CNTLN: variants seen among roughly 807,000 people sequenced by gnomAD.
The protein encoded by CNTLN is centlein, centrosomal protein.
In CNTLN, 212 loss-of-function variants were observed where a neutral mutation model predicts 180.0. The ratio of observed to expected loss-of-function variants is 1.18; its 90% CI spans 1.05 to 1.32. The LOEUF is 1.32. Ranked by LOEUF, CNTLN falls within the 40% of genes most tolerant of loss-of-function variation. The pLI is 0.00. For synonymous variants in CNTLN, 722 were observed against 563.1 expected (o/e 1.28, Z -3.99); for missense variants, 2,095 against 1,610.9 (o/e 1.30, Z -5.14).
chr9:17,237,611 C>T (rs1294392320), intron 5 of CNTLN, among the ~76,000 whole-genome samples: 3 of 151,854 alleles, frequency 2.0e-5, no homozygotes, highest in South Asian at 4.2e-4. Flanking sequence ...TATATGGGAA[C>T]GTGTGTAGGG....
rs554474595 is a variant in CNTLN, at chr9:17,150,190, A to G, written c.449+6814A>G. On this transcript the variant is annotated intron_variant, in intron 2 of 25. Transcript: ENST00000380647. Reference sequence around the variant, plus strand: ...TTTGTCTCTTTTGGCTTTTGTTGCCATTGCTTTTGGTGTTTTGGACATGAA... The same window carrying G: ...TTTGTCTCTTTTGGCTTTTGTTGCCGTTGCTTTTGGTGTTTTGGACATGAA... Among the ~76,000 whole-genome samples, 15 of 152,258 alleles carry G rather than the reference A, an allele frequency of 9.9e-5. No individual in the cohort carries two copies. In the South Asian group the frequency reaches 1.7e-3, roughly 17 times the overall value.
chr9:17,323,355 G>A (rs1432569445), intron 8 of CNTLN, among the ~76,000 whole-genome samples: 1 of 152,128 alleles, frequency 6.6e-6, no homozygotes, highest in Non-Finnish European at 1.5e-5. Context: ...ACAGTGATCC[G>A]ATTTGTTTTG....
intron 5 of CNTLN, among the ~76,000 whole-genome samples, chr9:17,254,994 T>TTTCA (rs756815806): frequency 1.3e-5 from 2 of 151,808 alleles, no homozygotes; most frequent in Non-Finnish European, 3.0e-5. Context: ...TGTACAAGTC[T>TTTCA]TTCACCCCCT....
rs1793742694 is a variant in CNTLN at position 17,135,097 on chromosome 9, C to T, written c.32C>T (p.Pro11Leu). Residue 11 changes from proline (P) to leucine (L), a missense_variant, in exon 1 of 26, where the codon CCT becomes CTT. Coordinates refer to ENST00000380647, the MANE Select transcript of CNTLN (RefSeq NM_017738.4). Reference protein sequence around the residue: MAARSPPSPHPSPPARQLGPR... With the variant: MAARSPPSPHLSPPARQLGPR... ...GCGCGTTCGCCTCCCTCACCGCACC[C>T]TTCGCCCCCAGCGCGACAGCTGGGC... 7 of 1,604,726 alleles carry T rather than the reference C, an allele frequency of 4.4e-6. No individual in the cohort carries two copies. The Admixed American group carries it at 8.4e-5, about 19-fold the overall frequency.
rs183127118 is a variant in CNTLN, at chr9:17,275,802, C to A, written c.983+1936C>A. On this transcript the variant is annotated intron_variant, in intron 6 of 25. Coordinates refer to ENST00000380647, the MANE Select transcript of CNTLN (RefSeq NM_017738.4). Reference sequence around the variant, plus strand: ...TTATACAATAGTAAAAGAATAATAGCTAGTGGGCCATGTGTAATTCTAAGA... The same window carrying A: ...TTATACAATAGTAAAAGAATAATAGATAGTGGGCCATGTGTAATTCTAAGA... 1.3e-3 allele frequency among the ~76,000 whole-genome samples: 200 copies of A among 152,174 alleles called. 4 individuals carry two copies. In the East Asian group the frequency reaches 0.038, roughly 29 times the overall value.
At chr9:17,355,201 A>G (rs1203473710) in intron 12 of CNTLN, among the ~76,000 whole-genome samples, 1 of 152,158 alleles carries the variant, frequency 6.6e-6, no homozygotes, top group Non-Finnish European at 1.5e-5. Context: ...TTGTGTTTTT[A>G]GTAGGGACGG....
intron 2 of CNTLN, among the ~76,000 whole-genome samples, chr9:17,163,222 C>T (rs1395551599): frequency 6.6e-6 from 1 of 152,124 alleles, no homozygotes; most frequent in African/African-American, 2.4e-5. Flanking sequence ...CCAGCTGGGT[C>T]CCTCCCACCA....
At chr9:17,148,376 G>C (rs540210752) in intron 2 of CNTLN, among the ~76,000 whole-genome samples, 8 of 152,294 alleles carry the variant, frequency 5.3e-5, no homozygotes, top group Admixed American at 5.2e-4. Context: ...GTAAGCCTCT[G>C]GTCACAACAA....
rs556942001 is a variant in CNTLN at position 17,258,883 on chromosome 9, G to A, written c.850-14850G>A. ...CTTAAGGAGATTTTGGGCTGAGACA[G>A]TGGGGTTTTCTAGATATACATTCAT... On this transcript the variant is annotated intron_variant, in intron 5 of 25. Transcript: ENST00000380647. Among the ~76,000 whole-genome samples, 86 of 145,494 alleles carry A rather than the reference G, an allele frequency of 5.9e-4. 3 individuals are homozygous for A. Among genetic ancestry groups the A allele is most frequent in the East Asian group, 2.6e-3 (13 of 4,988 alleles).
intron 18 of CNTLN, among the ~76,000 whole-genome samples, chr9:17,445,889 G>A (rs1192127186): frequency 4.6e-5 from 7 of 152,054 alleles, no homozygotes; most frequent in African/African-American, 1.7e-4. Flanking sequence ...GGAATGTCCC[G>A]GTATAAAACC....
At chr9:17,339,677 A>G (rs1168839308) in intron 10 of CNTLN, among the ~76,000 whole-genome samples, 1 of 152,216 alleles carries the variant, frequency 6.6e-6, no homozygotes, top group Admixed American at 6.5e-5. Context: ...AATATGAATA[A>G]CAGTTATTAA....
chr9:17,141,632 G>A (rs772986678), intron 1 of CNTLN, among the ~76,000 whole-genome samples: 3 of 152,156 alleles, frequency 2.0e-5, no homozygotes, highest in East Asian at 1.9e-4. Context: ...GAGTTGTAAG[G>A]CTATGAGACC....
intron 15 of CNTLN, among the ~76,000 whole-genome samples, chr9:17,398,012 GA>G (rs1034618749): frequency 4.0e-5 from 6 of 151,360 alleles, no homozygotes; most frequent in Non-Finnish European, 7.4e-5. Flanking sequence ...CTTGGATATT[GA>G]AAAAAATAGT....
intron 25 of CNTLN, among the ~76,000 whole-genome samples, chr9:17,487,835 C>A (rs368363954): frequency 2.5e-4 from 38 of 152,028 alleles, no homozygotes; most frequent in African/African-American, 9.2e-4. Flanking sequence ...TGATCAAGGG[C>A]AGTTTATTGG....
chr9:17,343,626 A>G (rs1219371502), intron 12 of CNTLN, among the ~76,000 whole-genome samples: 1 of 152,200 alleles, frequency 6.6e-6, no homozygotes, highest in African/African-American at 2.4e-5. Context: ...ATAGACTCAT[A>G]GATTTGTCTC....
At chr9:17,249,060 T>G (rs1277553425) in intron 5 of CNTLN, among the ~76,000 whole-genome samples, 1 of 152,076 alleles carries the variant, frequency 6.6e-6, no homozygotes, top group Non-Finnish European at 1.5e-5. Context: ...CTTCTCCTTT[T>G]AAAATTTCAA....
intron 2 of CNTLN, among the ~76,000 whole-genome samples, chr9:17,158,905 T>C (rs1412144586): frequency 6.6e-6 from 1 of 152,056 alleles, no homozygotes; most frequent in Non-Finnish European, 1.5e-5. Flanking sequence ...TCATTCTGCT[T>C]GCTTTAGGTT....
intron 5 of CNTLN, among the ~76,000 whole-genome samples, chr9:17,241,938 T>C (rs908495507): frequency 1.1e-4 from 17 of 152,224 alleles, no homozygotes; most frequent in Non-Finnish European, 2.9e-5. Flanking sequence ...TTCATTCTAA[T>C]AGGTTTTTGG....
At chr9:17,361,602 G>A (rs1396760972) in intron 12 of CNTLN, among the ~76,000 whole-genome samples, 1 of 152,168 alleles carries the variant, frequency 6.6e-6, no homozygotes, top group Non-Finnish European at 1.5e-5. Context: ...TTTTTCCACT[G>A]TAGATTCCTC....
Sources: gnomAD v4.1 joint callset for allele counts (sites outside exome capture counted in the v4.1 genomes callset) on GRCh38, gnomAD v4.1.1 for gene constraint, MANE v1.5 for transcripts, NCBI Gene and HGNC (gene_info 2026-07-23, HGNC 2026-07-21) for gene names.